Variants in DLC1 observed in about 807,000 individuals in gnomAD.
The protein encoded by DLC1 is rho GTPase-activating protein 7.
DLC1 carries 54 observed loss-of-function variants against 140.3 expected under a neutral mutation model. That is an observed-to-expected ratio of 0.38 (90% CI 0.31 to 0.48). The LOEUF is 0.48. DLC1 is among the 20% of genes least tolerant of loss of function. The pLI is 0.96. For missense variants in DLC1, 2,536 were observed against 1,907.0 expected (o/e 1.33, Z -6.14); for synonymous variants, 986 against 728.1 (o/e 1.35, Z -5.70).
intron 5 of DLC1, among the ~76,000 whole-genome samples, chr8:13,252,856 T>A (rs1830071902): frequency 2.0e-5 from 3 of 152,318 alleles, no homozygotes; most frequent in African/African-American, 4.8e-5. Context: ...TGTCTTGACC[T>A]ATAGCCACAT....
chr8:13,405,060 G>A (rs530255846), intron 2 of DLC1, among the ~76,000 whole-genome samples: 60 of 150,740 alleles, frequency 4.0e-4, no homozygotes, highest in African/African-American at 1.4e-3. Context: ...TTTTTTTTTA[G>A]TAGTGGTTCC....
intron 2 of DLC1, among the ~76,000 whole-genome samples, chr8:13,477,210 GA>G (rs35223127): frequency 0.78 from 118,500 of 151,424 alleles, 47,819 homozygotes; most frequent in Middle Eastern, 0.9. Context: ...CAAACAAGAT[GA>G]AAAAAAAAAT....
At chr8:13,142,802 C>T (rs976327264) in intron 5 of DLC1, among the ~76,000 whole-genome samples, 2 of 152,154 alleles carry the variant, frequency 1.3e-5, no homozygotes, top group East Asian at 3.9e-4. Flanking sequence ...GTAATCCCAG[C>T]ACTTTGGGAG....
intron 5 of DLC1, among the ~76,000 whole-genome samples, chr8:13,189,956 A>G (rs1377007853): frequency 6.6e-6 from 1 of 151,870 alleles, no homozygotes; most frequent in African/African-American, 2.4e-5. Context: ...GGTGAGAGAG[A>G]GCCCAGCGCA....
chr8:13,458,077 A>G (rs1799492766), intron 2 of DLC1, among the ~76,000 whole-genome samples: 1 of 152,234 alleles, frequency 6.6e-6, no homozygotes. Flanking sequence ...CAGTGCTAGA[A>G]TCTAAAGCAA....
intron 5 of DLC1, among the ~76,000 whole-genome samples, chr8:13,176,288 C>G (rs1825754123): frequency 6.6e-6 from 1 of 151,494 alleles, no homozygotes; most frequent in Non-Finnish European, 1.5e-5. Context: ...CTAATAAAAA[C>G]TCTCTTTTGT....
At chr8:13,172,417 C>T (rs76164628) in intron 5 of DLC1, among the ~76,000 whole-genome samples, 107 of 152,338 alleles carry the variant, frequency 7.0e-4, no homozygotes, top group African/African-American at 2.5e-3. Context: ...TTATCCCTCA[C>T]ATTTGATCAT....
chr8:13,150,314 A>T (rs1823712935), intron 5 of DLC1, among the ~76,000 whole-genome samples: 1 of 152,208 alleles, frequency 6.6e-6, no homozygotes, highest in African/African-American at 2.4e-5. Context: ...AGGCTTCATT[A>T]TTCCTTTCAA....
intron 5 of DLC1, among the ~76,000 whole-genome samples, chr8:13,282,209 A>G (rs1170722356): frequency 1.3e-5 from 2 of 152,126 alleles, no homozygotes; most frequent in Admixed American, 6.5e-5. Context: ...TCGTCAAGCT[A>G]TTTTCAAGTT....
chr8:13,441,257 G>C (rs1240006845), intron 2 of DLC1, among the ~76,000 whole-genome samples: 1 of 152,134 alleles, frequency 6.6e-6, no homozygotes, highest in Non-Finnish European at 1.5e-5. Flanking sequence ...ATATTATACT[G>C]CATGGGCAAA....
intron 2 of DLC1, among the ~76,000 whole-genome samples, chr8:13,450,358 G>C (rs1274142646): frequency 6.7e-6 from 1 of 149,110 alleles, no homozygotes. Flanking sequence ...AGGAAGCTGA[G>C]GCACGAGAAT....
intron 2 of DLC1, among the ~76,000 whole-genome samples, chr8:13,421,749 C>T (rs1210002704): frequency 6.6e-6 from 1 of 152,156 alleles, no homozygotes; most frequent in Non-Finnish European, 1.5e-5. Flanking sequence ...TCATTAAGAC[C>T]TGTTTGTTTG....
intron 5 of DLC1, among the ~76,000 whole-genome samples, chr8:13,190,032 C>T (rs1224914173): frequency 6.6e-6 from 1 of 152,098 alleles, no homozygotes; most frequent in East Asian, 1.9e-4. Context: ...TAAAATTTTC[C>T]AGTAGCCGCT....
Position 13,199,276 on chromosome 8 carries a change from C to T in DLC1, c.1349-83619G>A, listed in dbSNP as rs1365406642. Among the ~76,000 whole-genome samples the T allele has an allele frequency of 2.0e-5, 3 of 148,084 alleles. No homozygotes were observed. In the East Asian group the frequency reaches 6.0e-4, roughly 30 times the overall value. The stretch of plus-strand genomic sequence containing the variant: ...CATAGCTCACTGTAACCTTGAACTC[C>T]TAGGCTCAAGCAGTCCTCCTGCTTA... On this transcript the variant is annotated intron_variant, in intron 5 of 17. Transcript: ENST00000276297.
intron 2 of DLC1, among the ~76,000 whole-genome samples, chr8:13,404,664 T>C (rs1003131792): frequency 6.6e-6 from 1 of 152,080 alleles, no homozygotes; most frequent in African/African-American, 2.4e-5. Flanking sequence ...TTTACCTTGT[T>C]GCCCAGGTAA....
At chr8:13,155,170 G>A (rs751564882) in intron 5 of DLC1, among the ~76,000 whole-genome samples, 1 of 149,922 alleles carries the variant, frequency 6.7e-6, no homozygotes, top group African/African-American at 2.5e-5. Context: ...CCATATCGGT[G>A]TATAAATGTA....
intron 4 of DLC1, among the ~76,000 whole-genome samples, chr8:13,355,580 C>T (rs1399809014): frequency 1.3e-5 from 2 of 152,144 alleles, no homozygotes; most frequent in African/African-American, 2.4e-5. Flanking sequence ...ATCAGGACCC[C>T]ACCTTCTCAG....
At chr8:13,164,228 C>T (rs947438365) in intron 5 of DLC1, among the ~76,000 whole-genome samples, 15 of 151,516 alleles carry the variant, frequency 9.9e-5, no homozygotes, top group African/African-American at 2.9e-4. Flanking sequence ...ACCTGGGAGG[C>T]GGAGGTTGCA....
chr8:13,577,271 G>T (rs1215326880), intron 1 of DLC1, among the ~76,000 whole-genome samples: 2 of 152,106 alleles, frequency 1.3e-5, no homozygotes, highest in African/African-American at 2.4e-5. Flanking sequence ...AGGGAGGGAG[G>T]TCTATAGAGC....
Sources: allele counts gnomAD v4.1 joint callset (sites outside exome capture counted in the v4.1 genomes callset), GRCh38; gene constraint gnomAD v4.1.1; transcripts MANE v1.5; gene names NCBI Gene and HGNC (gene_info 2026-07-23, HGNC 2026-07-21).